CFAP47: variants seen among roughly 807,000 people sequenced by gnomAD.
CFAP47 encodes cilia- and flagella-associated protein 47.
Under a neutral mutation model 148.1 loss-of-function variants are expected in CFAP47, and 29 were observed. The observed-to-expected ratio is 0.20, with a 90% CI of 0.15 to 0.27. CFAP47 has a LOEUF of 0.27. Among genes scored for constraint, CFAP47 ranks in the 10% least tolerant of loss-of-function variants. The pLI is 1.00. For synonymous variants in CFAP47, 664 were observed against 577.3 expected (o/e 1.15, Z -2.15); for missense variants, 1,872 against 1,697.5 (o/e 1.10, Z -1.81).
intron 33 of CFAP47, among the ~76,000 whole-genome samples, chrX:36,125,484 CA>C (rs375782225): frequency 0.037 from 4,087 of 111,086 alleles, 106 homozygotes; most frequent in African/African-American, 0.088. Flanking sequence ...TATTGAACTA[CA>C]AAAAATCAAA....
chrX:36,164,836 T>A (rs747690542), intron 39 of CFAP47, among the ~76,000 whole-genome samples: 2 of 111,761 alleles, frequency 1.8e-5, no homozygotes, highest in South Asian at 7.4e-4. Flanking sequence ...CCCTCTTACA[T>A]TTTGAAGTGC....
intron 10 of CFAP47, among the ~76,000 whole-genome samples, chrX:35,969,486 C>G (rs918257106): frequency 7.2e-5 from 8 of 111,199 alleles, no homozygotes; most frequent in African/African-American, 2.6e-4. Flanking sequence ...GTCCCCTGTT[C>G]TTTGCATATT....
Position 36,366,955 on chromosome X carries a change from T to C in CFAP47, c.9024-11T>C. On this transcript the variant is annotated splice_polypyrimidine_tract_variant and intron_variant, in intron 61 of 63. Coordinates refer to ENST00000378653, the MANE Select transcript of CFAP47 (RefSeq NM_001304548.2). ...ACGTAGTGTCATTTAAAATCTCCTTTTATATTCAAGGTCTCACATAACACT... is the reference window on the plus strand; with the variant it reads ...ACGTAGTGTCATTTAAAATCTCCTTCTATATTCAAGGTCTCACATAACACT... 1 of 1,096,152 alleles carries C rather than the reference T, an allele frequency of 9.1e-7. No homozygotes were observed. Among genetic ancestry groups the C allele is most frequent in the South Asian group, 2.4e-5 (1 of 41,833 alleles). 90.3% of individuals were successfully genotyped at this position (1,096,152 alleles called of 1,213,427 possible). A position where few individuals can be genotyped will look rare whatever the true frequency, so the allele number is the denominator to read the frequency against.
rs374174598 is a variant in CFAP47 at position 35,919,757 on chromosome X, C to G, written c.-43C>G. 25 of 1,168,232 alleles carry G rather than the reference C, an allele frequency of 2.1e-5. No homozygotes were observed. The East Asian group carries it at 6.8e-4, about 32-fold the overall frequency. Reference sequence around the variant, plus strand: ...ACGGTCGTCGACGCTAATCCTTGGCCGGACGGATCCACATCTGTTTTCTGG... The same window carrying G: ...ACGGTCGTCGACGCTAATCCTTGGCGGGACGGATCCACATCTGTTTTCTGG... On this transcript the variant is annotated 5_prime_UTR_variant, in exon 1 of 64. Coordinates refer to ENST00000378653, the MANE Select transcript of CFAP47 (RefSeq NM_001304548.2).
intron 36 of CFAP47, among the ~76,000 whole-genome samples, chrX:36,148,901 A>ATGTATGTGTGTG (rs756428995): frequency 3.3e-5 from 3 of 92,263 alleles, no homozygotes; most frequent in Non-Finnish European, 6.5e-5. Context: ...AACTGTATGT[A>ATGTATGTGTGTG]TGTGTGTGTG....
At chrX:36,172,856 A>C in intron 39 of CFAP47, among the ~76,000 whole-genome samples, 1 of 111,689 alleles carries the variant, frequency 9.0e-6, no homozygotes. Flanking sequence ...GTTCATTGGA[A>C]TAGTTTCAGA....
At chrX:36,166,824 T>C (rs2146854059) in intron 39 of CFAP47, among the ~76,000 whole-genome samples, 1 of 111,637 alleles carries the variant, frequency 9.0e-6, no homozygotes, top group South Asian at 3.8e-4. Flanking sequence ...TGCTCAAACC[T>C]ACACACACAT....
intron 57 of CFAP47, among the ~76,000 whole-genome samples, chrX:36,339,655 C>T (rs1689589615): frequency 9.0e-6 from 1 of 111,656 alleles, no homozygotes; most frequent in African/African-American, 3.3e-5. Flanking sequence ...AGGAAACTTT[C>T]TCCTTCATTG....
At chrX:36,014,333 T>C (rs1264094017) in intron 21 of CFAP47, among the ~76,000 whole-genome samples, 1 of 111,830 alleles carries the variant, frequency 8.9e-6, no homozygotes, top group East Asian at 2.8e-4. Flanking sequence ...AAATGGGTTT[T>C]TGACTTATAC....
At chrX:36,125,007 G>A (rs1484591597) in intron 33 of CFAP47, among the ~76,000 whole-genome samples, 1 of 111,435 alleles carries the variant, frequency 9.0e-6, no homozygotes, top group African/African-American at 3.3e-5. Flanking sequence ...ACTTCAGTCA[G>A]TAAATAGAGC....
chrX:36,324,737 G>A (rs1941504181), intron 57 of CFAP47, among the ~76,000 whole-genome samples: 1 of 111,196 alleles, frequency 9.0e-6, no homozygotes, highest in African/African-American at 3.3e-5. Flanking sequence ...CAATTTTATA[G>A]GAAACAAGAT....
chrX:36,243,231 C>T (rs1316517357), intron 48 of CFAP47, among the ~76,000 whole-genome samples: 1 of 111,273 alleles, frequency 9.0e-6, no homozygotes, highest in Non-Finnish European at 1.9e-5. Flanking sequence ...CAAAAACACA[C>T]TTAAGCACAT....
At chrX:36,175,386 A>G (rs1939658073) in intron 39 of CFAP47, among the ~76,000 whole-genome samples, 1 of 111,353 alleles carries the variant, frequency 9.0e-6, no homozygotes, top group African/African-American at 3.3e-5. Context: ...TGCTTTTTAG[A>G]GTTTCCAGTT....
chrX:36,267,522 A>G (rs1333289960), intron 49 of CFAP47, among the ~76,000 whole-genome samples: 1 of 92,146 alleles, frequency 1.1e-5, no homozygotes, highest in Non-Finnish European at 2.1e-5. Flanking sequence ...TCTGTTGCCC[A>G]GGTTGGAGTA....
chrX:35,946,381 A>G (rs780370924), intron 3 of CFAP47, among the ~76,000 whole-genome samples: 1 of 111,996 alleles, frequency 8.9e-6, no homozygotes, highest in Admixed American at 9.4e-5. Context: ...TGAAATATTC[A>G]CTTAAACTCT....
chrX:36,265,582 G>A (rs56340599), intron 49 of CFAP47, among the ~76,000 whole-genome samples: 16,881 of 110,768 alleles, frequency 0.15, 998 homozygotes, highest in East Asian at 0.26. Flanking sequence ...TTGTTCCTTC[G>A]GTAAGTAATT....
chrX:35,989,480 T>A, intron 16 of CFAP47, 31 bp downstream of exon 16: 15 of 1,211,024 alleles, frequency 1.2e-5, no homozygotes, highest in Non-Finnish European at 1.7e-5. Flanking sequence ...TGGTTTTTGT[T>A]TTGAGGGCTA....
At chrX:36,316,121 G>A (rs183574060) in intron 56 of CFAP47, among the ~76,000 whole-genome samples, 80 of 112,061 alleles carry the variant, frequency 7.1e-4, no homozygotes, top group Middle Eastern at 9.3e-3. Flanking sequence ...TCAGTAAGCA[G>A]GCAGAACAAT....
intron 45 of CFAP47, among the ~76,000 whole-genome samples, chrX:36,209,678 A>C (rs1471924613): frequency 9.0e-6 from 1 of 111,490 alleles, no homozygotes; most frequent in Non-Finnish European, 1.9e-5. Context: ...AAGGATATTC[A>C]CCTGTGCTCA....
Sources: gnomAD v4.1 joint callset for allele counts (sites outside exome capture counted in the v4.1 genomes callset) on GRCh38, gnomAD v4.1.1 for gene constraint, MANE v1.5 for transcripts, NCBI Gene and HGNC (gene_info 2026-07-23, HGNC 2026-07-21) for gene names.